RIPOR3: variants seen among roughly 807,000 people sequenced by gnomAD.
RIPOR3 encodes the protein family with sequence similarity 65 member C.
In RIPOR3, 95 loss-of-function variants were observed where a neutral mutation model predicts 114.3. The observed-to-expected ratio is 0.83, with a 90% CI of 0.70 to 0.99. RIPOR3 has a LOEUF of 0.99. Ranked by LOEUF, RIPOR3 falls within the 50% of genes least tolerant of loss-of-function variation. The pLI, the probability that RIPOR3 is intolerant of heterozygous loss-of-function variation, is 0.00. For synonymous variants in RIPOR3, 575 were observed against 543.8 expected (o/e 1.06, Z -0.80); for missense variants, 1,252 against 1,266.9 (o/e 0.99, Z 0.18).
At chr20:50,655,669 C>CTG (rs11469999) in intron 1 of RIPOR3, among the ~76,000 whole-genome samples, 7,177 of 145,220 alleles carry the variant, frequency 0.049, 197 homozygotes, top group Admixed American at 0.081. Context: ...TTAGCGTGGG[C>CTG]TGTGTGTGTG....
At chr20:50,672,989 G>A (rs751542169) in intron 1 of RIPOR3, among the ~76,000 whole-genome samples, 5 of 152,200 alleles carry the variant, frequency 3.3e-5, no homozygotes, top group Non-Finnish European at 7.3e-5. Flanking sequence ...TATGTGGGCT[G>A]CCCAAGCTGG....
rs374963403 is a variant in RIPOR3, at chr20:50,608,771, C to T, written c.685-33G>A. On this transcript the variant is annotated intron_variant, in intron 9 of 21. Coordinates refer to ENST00000327979, the MANE Select transcript of RIPOR3 (RefSeq NM_001290268.2). ...CCAGCCCGAGAGGGGCCGCGTCAGC[C>T]CAGGTGGGTGTCCCCTTGCTGTCCG... 9 of 1,612,996 alleles carry T rather than the reference C, an allele frequency of 5.6e-6. No homozygotes were observed. In the African/African-American group the frequency reaches 1.1e-4, roughly 19 times the overall value.
chr20:50,587,656 G>A (rs2082964983), intron 21 of RIPOR3, 146 bp downstream of exon 21: 4 of 727,946 alleles, frequency 5.5e-6, no homozygotes, highest in Non-Finnish European at 6.9e-6. Flanking sequence ...AAGGGTGGAG[G>A]TCGGCTCTGT....
At chr20:50,671,185 C>G (rs767495312) in intron 1 of RIPOR3, among the ~76,000 whole-genome samples, 10 of 152,116 alleles carry the variant, frequency 6.6e-5, no homozygotes, top group Non-Finnish European at 1.3e-4. Flanking sequence ...TTTAGGGTTT[C>G]ACCATGTTGG....
chr20:50,643,051 A>T (rs1266319466), intron 1 of RIPOR3, among the ~76,000 whole-genome samples: 1 of 151,976 alleles, frequency 6.6e-6, no homozygotes, highest in Non-Finnish European at 1.5e-5. Context: ...TCCATCTCAA[A>T]AAAAAAACCC....
intron 1 of RIPOR3, among the ~76,000 whole-genome samples, chr20:50,649,556 A>G (rs2085528380): frequency 6.6e-6 from 1 of 152,192 alleles, no homozygotes. Context: ...GGTCTTGGCC[A>G]TGCAGCCAGG....
intron 2 of RIPOR3, among the ~76,000 whole-genome samples, chr20:50,630,244 A>G (rs1003698409): frequency 1.3e-5 from 2 of 152,210 alleles, no homozygotes; most frequent in African/African-American, 4.8e-5. Context: ...CTAGGATTAC[A>G]GGCATGAGCC....
chr20:50,690,986 C>T, intron 1 of RIPOR3, 140 bp downstream of exon 1: 1 of 1,110,708 alleles, frequency 9.0e-7, no homozygotes, highest in South Asian at 1.3e-5. Flanking sequence ...CAGCCTCAAC[C>T]CAGGTTCCCT....
intron 1 of RIPOR3, among the ~76,000 whole-genome samples, chr20:50,663,447 C>T (rs2086072777): frequency 6.6e-6 from 1 of 152,188 alleles, no homozygotes; most frequent in African/African-American, 2.4e-5. Flanking sequence ...TCCAAGCGCC[C>T]CAGTGCAGCG....
intron 1 of RIPOR3, among the ~76,000 whole-genome samples, chr20:50,686,694 T>TG (rs1337258105): frequency 1.3e-5 from 2 of 149,418 alleles, no homozygotes; most frequent in Non-Finnish European, 3.0e-5. Context: ...GAGGTTGCAG[T>TG]GAGCTGAGAT....
intron 1 of RIPOR3, among the ~76,000 whole-genome samples, chr20:50,631,828 A>T (rs6063539): frequency 1.2e-4 from 19 of 152,064 alleles, no homozygotes; most frequent in Admixed American, 9.8e-4. Flanking sequence ...TCTTCCAGCA[A>T]GGGCAGCTGG....
At chr20:50,665,026 CA>C (rs1293942963) in intron 1 of RIPOR3, among the ~76,000 whole-genome samples, 2 of 152,112 alleles carry the variant, frequency 1.3e-5, no homozygotes, top group Non-Finnish European at 2.9e-5. Flanking sequence ...CACTTGAACC[CA>C]GGAGGCAGAG....
intron 4 of RIPOR3, 143 bp from the exon 5 acceptor site, chr20:50,611,347 T>A (rs2083972510): frequency 7.8e-6 from 8 of 1,031,954 alleles, no homozygotes; most frequent in Non-Finnish European, 1.0e-5. Flanking sequence ...ACCCACTCCT[T>A]CCTCTGCCAA....
intron 19 of RIPOR3, among the ~76,000 whole-genome samples, chr20:50,590,928 C>T (rs1192920325): frequency 1.3e-5 from 2 of 151,596 alleles, no homozygotes; most frequent in African/African-American, 4.9e-5. Flanking sequence ...TGTTTATATA[C>T]CCCCATACCC....
intron 4 of RIPOR3, among the ~76,000 whole-genome samples, chr20:50,615,673 T>A (rs1023031241): frequency 2.0e-5 from 3 of 152,138 alleles, no homozygotes; most frequent in Middle Eastern, 3.2e-3. Context: ...TGACCCACTT[T>A]CCTGGCATTA....
rs1188485323 is a variant in RIPOR3, at chr20:50,620,032, G to C, written c.223C>G (p.Pro75Ala). Residue 75 changes from proline to alanine, a missense_variant, in exon 3 of 22, where the codon CCC becomes GCC. By Grantham distance (27) the Pro-to-Ala change is conservative (BLOSUM62 -1). Transcript: ENST00000327979. ...TCGAAGATCTTCTTCACCTGCTGGG[G>C]CTTCGGGTCTGCACAGACCGACCCC... Reference protein sequence around the residue: ...RKGSVCADPKPQQVKKIFEAL... With the variant: ...RKGSVCADPKAQQVKKIFEAL... 2 of 1,613,634 alleles carry C rather than the reference G, an allele frequency of 1.2e-6. No homozygotes were observed. The highest frequency in any genetic ancestry group is 1.7e-6 in the Non-Finnish European group (2 of 1,179,696).
intron 1 of RIPOR3, among the ~76,000 whole-genome samples, chr20:50,681,717 C>T (rs1424314766): frequency 1.3e-5 from 2 of 152,224 alleles, no homozygotes; most frequent in African/African-American, 4.8e-5. Context: ...GTTCCCCACA[C>T]GCGTTGAGAA....
At chr20:50,645,050 C>T (rs985750143) in intron 1 of RIPOR3, among the ~76,000 whole-genome samples, 9 of 152,060 alleles carry the variant, frequency 5.9e-5, no homozygotes, top group Admixed American at 3.3e-4. Context: ...TCATGTTGAC[C>T]AGCCTGGTCT....
chr20:50,624,345 A>C (rs2084539862), intron 2 of RIPOR3, among the ~76,000 whole-genome samples: 1 of 152,176 alleles, frequency 6.6e-6, no homozygotes, highest in Non-Finnish European at 1.5e-5. Flanking sequence ...GCAGGTGGGC[A>C]GCAGGCAGTG....
Sources: allele counts gnomAD v4.1 joint callset (sites outside exome capture counted in the v4.1 genomes callset), GRCh38; gene constraint gnomAD v4.1.1; transcripts MANE v1.5; gene names NCBI Gene and HGNC (gene_info 2026-07-23, HGNC 2026-07-21).